The following CAPN9 variants were observed in gnomAD, a reference collection of about 807,000 sequenced individuals.
The protein encoded by CAPN9 is calpain-9.
CAPN9 carries 81 observed loss-of-function variants against 92.8 expected under a neutral mutation model. The ratio of observed to expected loss-of-function variants is 0.87; its 90% CI spans 0.73 to 1.05. The LOEUF (loss-of-function observed/expected upper bound fraction) is 1.05, where lower values mean the gene tolerates loss of function less well. Among genes scored for constraint, CAPN9 ranks in the 50% least tolerant of loss-of-function variants. The probability of loss-of-function intolerance (pLI) is 0.00; values close to 1 mark genes in which losing one functional copy is unlikely to be tolerated. For missense variants in CAPN9, 848 were observed against 866.2 expected, an observed-to-expected ratio of 0.98 and a Z score of 0.26; for synonymous variants, 304 against 328.0, an observed-to-expected ratio of 0.93 and a Z score of 0.79.
chr1:230,781,625 A>C (rs1667231024), intron 11 of CAPN9, among the ~76,000 whole-genome samples: 1 of 152,234 alleles, frequency 6.6e-6, no homozygotes, highest in Non-Finnish European at 1.5e-5. Context: ...GGTTCAAGAC[A>C]GAGGAATCCA....
intron 5 of CAPN9, 151 bp downstream of exon 5, chr1:230,767,860 A>C: frequency 3.0e-6 from 2 of 673,660 alleles, no homozygotes; most frequent in Non-Finnish European, 4.9e-6. Context: ...TAATTAAAAC[A>C]CAAGTTTTGG....
At chr1:230,800,289 AGAAAGAAAGAAAGAAAGGAAAAAC>A (rs1558124345) in intron 19 of CAPN9, among the ~76,000 whole-genome samples, 9 of 121,062 alleles carry the variant, frequency 7.4e-5, no homozygotes, top group African/African-American at 2.8e-4. Context: ...AAAGAAAGAA[AGAAAGAAAGAAAGAAAGGAAAAAC>A]AAGAGAGACC....
Position 230,795,285 on chromosome 1 carries a change from T to A in CAPN9, c.1987+6T>A, listed in dbSNP as rs1235134077. ...CCGGCTGGAGAATGCGAGCCGTAAG[T>A]GTCCAGCGAGGCTGAGGGTGCACCT... On this transcript the variant is annotated splice_donor_region_variant and intron_variant, in intron 18 of 19. Transcript: ENST00000271971. 10 of 1,591,008 alleles carry A rather than the reference T, an allele frequency of 6.3e-6. No individual in the cohort carries two copies. Among genetic ancestry groups the A allele is most frequent in the Non-Finnish European group, 7.8e-6 (9 of 1,159,444 alleles).
chr1:230,765,290 A>G (rs949778292), intron 4 of CAPN9, among the ~76,000 whole-genome samples: 1 of 151,644 alleles, frequency 6.6e-6, no homozygotes. Context: ...GCACAAGAGC[A>G]TACTGAAGGA....
Position 230,755,402 on chromosome 1 carries a change from G to T in CAPN9, c.279G>T (p.Glu93Asp). Residue 93 changes from glutamate (E) to aspartate (D), a missense_variant, in exon 2 of 20, where the codon GAG becomes GAT. Glu to Asp is a conservative substitution (Grantham distance 45). Coordinates refer to ENST00000271971, the MANE Select transcript of CAPN9 (RefSeq NM_006615.3). ...GATRTDICQG[E>D]LGDCWLLAAI... Reference sequence around the variant, plus strand: ...CCAGGACTGATATCTGCCAGGGAGAGCTGGGTGAGTGTAAGTGGATGGAGC... The same window carrying T: ...CCAGGACTGATATCTGCCAGGGAGATCTGGGTGAGTGTAAGTGGATGGAGC... 1 of 1,606,174 alleles carries T rather than the reference G, an allele frequency of 6.2e-7. No homozygotes were observed.
intron 2 of CAPN9, among the ~76,000 whole-genome samples, 154 bp downstream of exon 2, chr1:230,755,560 T>C (rs1665169552): frequency 6.6e-6 from 1 of 152,094 alleles, no homozygotes; most frequent in African/African-American, 2.4e-5. Context: ...CTGAATGGAG[T>C]CCAGTGGCCT....
chr1:230,781,207 A>T (rs568038959), intron 11 of CAPN9, among the ~76,000 whole-genome samples: 14 of 149,876 alleles, frequency 9.3e-5, no homozygotes, highest in African/African-American at 3.5e-4. Context: ...GGCAAGGCAC[A>T]TATCCCTTCT....
chr1:230,791,480 A>G (rs749905265), intron 14 of CAPN9, among the ~76,000 whole-genome samples: 3 of 152,202 alleles, frequency 2.0e-5, no homozygotes, highest in Non-Finnish European at 4.4e-5. Flanking sequence ...CATGATTCCT[A>G]AGGGTCGTAT....
chr1:230,796,443 C>T (rs1221213724), intron 18 of CAPN9, among the ~76,000 whole-genome samples: 1 of 152,164 alleles, frequency 6.6e-6, no homozygotes, highest in Admixed American at 6.5e-5. Flanking sequence ...ATAGCTCCCT[C>T]TGCTTCTTTG....
chr1:230,752,959 C>T (rs983360279), intron 1 of CAPN9, among the ~76,000 whole-genome samples: 1 of 152,268 alleles, frequency 6.6e-6, no homozygotes, highest in African/African-American at 2.4e-5. Context: ...CTATTGAGGC[C>T]CACTGACATG....
At chr1:230,756,111 T>C (rs569687466) in intron 2 of CAPN9, among the ~76,000 whole-genome samples, 1 of 152,046 alleles carries the variant, frequency 6.6e-6, no homozygotes, top group Non-Finnish European at 1.5e-5. Flanking sequence ...ACCAGTGAAA[T>C]CAGCCTAGAG....
At chr1:230,783,015 TA>T (rs1240939364) in intron 11 of CAPN9, among the ~76,000 whole-genome samples, 2 of 151,892 alleles carry the variant, frequency 1.3e-5, no homozygotes, top group East Asian at 3.9e-4. Flanking sequence ...AGACTCCGTC[TA>T]AAAAAAATGG....
At chr1:230,750,118 T>C (rs1438945194) in intron 1 of CAPN9, among the ~76,000 whole-genome samples, 1 of 152,048 alleles carries the variant, frequency 6.6e-6, no homozygotes, top group African/African-American at 2.4e-5. Context: ...CTTAGTATTA[T>C]CTCCTCTGGC....
intron 2 of CAPN9, among the ~76,000 whole-genome samples, chr1:230,758,120 T>G (rs1665372676): frequency 6.6e-6 from 1 of 152,114 alleles, no homozygotes; most frequent in South Asian, 2.1e-4. Flanking sequence ...CGCCAAAAGC[T>G]CAGAGCATTT....
intron 7 of CAPN9, among the ~76,000 whole-genome samples, chr1:230,772,621 A>G (rs187431750): frequency 1.2e-4 from 19 of 152,290 alleles, no homozygotes; most frequent in African/African-American, 3.8e-4. Flanking sequence ...TCATGCCTAT[A>G]ATTCCAACAC....
At chr1:230,787,431 G>A in intron 12 of CAPN9, 91 bp from the exon 13 acceptor site, 1 of 1,046,172 alleles carries the variant, frequency 9.6e-7, no homozygotes, top group South Asian at 1.4e-5. Flanking sequence ...CATGGGGCTG[G>A]GCACACAGGC....
intron 14 of CAPN9, among the ~76,000 whole-genome samples, chr1:230,790,950 CA>C (rs1221947937): frequency 2.0e-5 from 3 of 152,110 alleles, no homozygotes; most frequent in Admixed American, 1.3e-4. Context: ...TACTCCGTTT[CA>C]GGGGGAAAAA....
In CAPN9 at chr1:230,767,624, T is replaced by C. The variant is rs1469569838; in HGVS notation, c.620T>C (p.Phe207Ser). The C allele has an allele frequency of 6.2e-7, 1 of 1,613,906 alleles. No homozygotes were observed. Among genetic ancestry groups the C allele is most frequent in the Non-Finnish European group, 8.5e-7 (1 of 1,179,930 alleles). Residue 207 changes from phenylalanine to serine, a missense_variant, in exon 5 of 20, where the codon TTC becomes TCC. Phe to Ser is a radical substitution (Grantham distance 155). Coordinates refer to ENST00000271971, the MANE Select transcript of CAPN9 (RefSeq NM_006615.3). The stretch of plus-strand genomic sequence containing the variant: ...TTCACTGGGGGTGTGGCAGAGACCT[T>C]CCAAACTAAAGAGGCCCCCGAGAAC... ...EDFTGGVAET[F>S]QTKEAPENFY...
rs1471360488 is a variant in CAPN9 at position 230,780,493 on chromosome 1, A to G, written c.1273-7A>G. 2 of 1,613,700 alleles carry G rather than the reference A, an allele frequency of 1.2e-6. No individual in the cohort carries two copies. Among genetic ancestry groups the G allele is most frequent in the Non-Finnish European group, 8.5e-7 (1 of 1,179,766 alleles). ...TAGGAAACCCCTCCCTTTCTTGCCC[A>G]TTGCAGTGCCCTGACAAAGACGAAC... On this transcript the variant is annotated splice_region_variant and splice_polypyrimidine_tract_variant and intron_variant, in intron 10 of 19. Coordinates refer to ENST00000271971, the MANE Select transcript of CAPN9 (RefSeq NM_006615.3).
Sources: gnomAD v4.1 joint callset for allele counts (sites outside exome capture counted in the v4.1 genomes callset) on GRCh38, gnomAD v4.1.1 for gene constraint, MANE v1.5 for transcripts, NCBI Gene and HGNC (gene_info 2026-07-23, HGNC 2026-07-21) for gene names.